The following IREB2 variants were observed in gnomAD, a reference collection of about 807,000 sequenced individuals.
IREB2 encodes iron responsive element binding protein 2.
In IREB2, 39 loss-of-function variants were observed where a neutral mutation model predicts 118.8. The observed-to-expected ratio is 0.33, with a 90% CI of 0.25 to 0.43. The LOEUF (loss-of-function observed/expected upper bound fraction) is 0.43. IREB2 is among the 20% of genes least tolerant of loss of function. The probability of loss-of-function intolerance (pLI) is 1.00; values close to 1 mark genes in which losing one functional copy is unlikely to be tolerated. For synonymous variants in IREB2, 372 were observed against 392.2 expected (o/e 0.95, Z 0.61); for missense variants, 900 against 1,147.3 (o/e 0.78, Z 3.11).
chr15:78,467,624 G>T (rs1170123180), intron 5 of IREB2, among the ~76,000 whole-genome samples: 1 of 151,162 alleles, frequency 6.6e-6, no homozygotes, highest in Non-Finnish European at 1.5e-5. Context: ...CAGGAGGCAG[G>T]GATCACAGTG....
At chr15:78,463,621 T>C (rs1437526027) in intron 3 of IREB2, among the ~76,000 whole-genome samples, 1 of 152,226 alleles carries the variant, frequency 6.6e-6, no homozygotes, top group Non-Finnish European at 1.5e-5. Context: ...ATTCAAAAAC[T>C]GCTTTTGTTT....
At chr15:78,494,318 C>G (rs914991656) in intron 20 of IREB2, 54 bp downstream of exon 20, 6 of 1,550,362 alleles carry the variant, frequency 3.9e-6, no homozygotes. Context: ...TAACTGTTCC[C>G]TTTTGTCAGT....
At chr15:78,457,274 C>T (rs920698908) in intron 2 of IREB2, among the ~76,000 whole-genome samples, 2 of 151,936 alleles carry the variant, frequency 1.3e-5, no homozygotes, top group African/African-American at 4.8e-5. Flanking sequence ...ACTTCATCTT[C>T]TGGTCCATCT....
At chr15:78,440,014 A>G (rs2050820630) in intron 2 of IREB2, 133 bp downstream of exon 2, 3 of 582,424 alleles carry the variant, frequency 5.2e-6, no homozygotes, top group Admixed American at 7.5e-5. Context: ...TACCTATACC[A>G]TTTTAAAAAC....
chr15:78,493,292 T>C lies in IREB2; in HGVS notation c.2325-617T>C, dbSNP rs931016572. On this transcript the variant is annotated intron_variant, in intron 18 of 21. Transcript: ENST00000258886. ...GACTGGTTCCAGGACCACCCATGTA[T>C]ACCCAAATCCACACATACTGAATTC... 2.0e-5 allele frequency among the ~76,000 whole-genome samples: 3 copies of C among 152,160 alleles called. 1 individual carries two copies. Among genetic ancestry groups the C allele is most frequent in the African/African-American group, 7.2e-5 (3 of 41,432 alleles).
At position 78,490,491 on chromosome 15, in the gene IREB2, A is replaced by G. The variant is rs370252369; in HGVS notation, c.2146A>G (p.Thr716Ala). The G allele has an allele frequency of 7.2e-5, 116 of 1,609,324 alleles. No homozygotes were observed. Among genetic ancestry groups the G allele is most frequent in the Non-Finnish European group, 8.8e-5 (104 of 1,178,556 alleles). ...SVLFPWDLKS[T>A]YIRCPSFFDK... ...TTTGTTTCCATGGGACTTAAAGTCT[A>G]CTTATATCAGATGCCCTTCATTTTT... The change falls in exon 17 of 22, where the codon ACT becomes GCT. Residue 716 changes from threonine to alanine, a missense_variant. Coordinates refer to ENST00000258886, the MANE Select transcript of IREB2 (RefSeq NM_004136.4).
intron 20 of IREB2, 114 bp downstream of exon 20, chr15:78,494,378 T>C (rs1566999190): frequency 1.8e-5 from 19 of 1,064,200 alleles, no homozygotes; most frequent in Middle Eastern, 3.1e-4. Flanking sequence ...TTGAACCTTA[T>C]AGGTATAGAG....
chr15:78,469,266 TG>T (rs1211169027), intron 5 of IREB2, among the ~76,000 whole-genome samples: 3 of 152,158 alleles, frequency 2.0e-5, no homozygotes, highest in Non-Finnish European at 2.9e-5. Context: ...AATAAATGTT[TG>T]TATGGCACTT....
At chr15:78,438,127 T>G, upstream of IREB2, 1 of 567,506 alleles carries the variant, frequency 1.8e-6, no homozygotes, top group Non-Finnish European at 3.2e-6. Flanking sequence ...TTTCTTTGTT[T>G]TCCTGTCCGA....
At chr15:78,442,565 A>G (rs1413618942) in intron 2 of IREB2, among the ~76,000 whole-genome samples, 1 of 152,230 alleles carries the variant, frequency 6.6e-6, no homozygotes, top group African/African-American at 2.4e-5. Flanking sequence ...TACAGAGTAA[A>G]GATAGTTGAG....
At chr15:78,489,282 G>C (rs542787417) in intron 16 of IREB2, among the ~76,000 whole-genome samples, 2 of 151,648 alleles carry the variant, frequency 1.3e-5, no homozygotes, top group East Asian at 3.9e-4. Context: ...AGTGTTGATT[G>C]GATGATCTGT....
chr15:78,438,063 AGAACAGCGGCGACG>A (rs1159076226), upstream of IREB2: 4 of 485,372 alleles, frequency 8.2e-6, no homozygotes, highest in Non-Finnish European at 1.5e-5. Context: ...CCCGCTCGCG[AGAACAGCGGCGACG>A]GCGCGAGAAA....
Position 78,475,853 on chromosome 15 carries a change from A to G in IREB2, c.1024-335A>G, listed in dbSNP as rs538318934. 239 of 163,968 alleles carry G rather than the reference A, an allele frequency of 1.5e-3. 1 individual carries two copies. Among genetic ancestry groups the G allele is most frequent in the African/African-American group, 5.4e-3 (228 of 41,888 alleles). The allele number at this position is 163,968 out of a possible 1,614,324, so 10.2% of individuals were successfully genotyped here. ...GGCAACAGAGTGAGACCCTGTTTCT[A>G]AAAGAAAGAAAGAAAAAGGGCTGCC... On this transcript the variant is annotated intron_variant, in intron 8 of 21. Transcript: ENST00000258886.
At chr15:78,443,843 G>C (rs1415933868) in intron 2 of IREB2, among the ~76,000 whole-genome samples, 1 of 151,626 alleles carries the variant, frequency 6.6e-6, no homozygotes, top group African/African-American at 2.4e-5. Context: ...ATGGAGTTTC[G>C]CCATATTAAC....
intron 2 of IREB2, among the ~76,000 whole-genome samples, chr15:78,450,843 TG>T (rs2051013138): frequency 6.8e-6 from 1 of 148,110 alleles, no homozygotes; most frequent in Admixed American, 6.6e-5. Flanking sequence ...TGTGTGTGTG[TG>T]TGTGTGTGTG....
chr15:78,462,185 GCTCA>G (rs2051208971), intron 2 of IREB2, among the ~76,000 whole-genome samples: 1 of 151,986 alleles, frequency 6.6e-6, no homozygotes, highest in Admixed American at 6.6e-5. Flanking sequence ...ATATTCTGGA[GCTCA>G]CTGTTTATCA....
At chr15:78,443,330 T>G (rs1260397965) in intron 2 of IREB2, among the ~76,000 whole-genome samples, 13 of 152,200 alleles carry the variant, frequency 8.5e-5, no homozygotes, top group Non-Finnish European at 1.5e-5. Flanking sequence ...TATTTTACCT[T>G]TACATCTTTT....
intron 9 of IREB2, among the ~76,000 whole-genome samples, chr15:78,477,384 C>A (rs1055881943): frequency 6.6e-6 from 1 of 152,066 alleles, no homozygotes; most frequent in Non-Finnish European, 1.5e-5. Context: ...AAAGGAAGGG[C>A]CTGCAATCCT....
At chr15:78,493,799 G>A (rs996703290) in intron 18 of IREB2, 110 bp from the exon 19 acceptor site, 4 of 944,788 alleles carry the variant, frequency 4.2e-6, no homozygotes, top group Non-Finnish European at 6.3e-6. Flanking sequence ...GTTTTCTTTT[G>A]TGTTTGAAAT....
Sources: allele counts gnomAD v4.1 joint callset (sites outside exome capture counted in the v4.1 genomes callset), GRCh38; gene constraint gnomAD v4.1.1; transcripts MANE v1.5; gene names NCBI Gene and HGNC (gene_info 2026-07-23, HGNC 2026-07-21).